Variants in ANO3 observed in about 807,000 individuals in gnomAD.
ANO3 encodes anoctamin 3.
ANO3 carries 99 observed loss-of-function variants against 144.8 expected under a neutral mutation model. The ratio of observed to expected loss-of-function variants is 0.68; its 90% CI spans 0.58 to 0.81. The LOEUF is 0.81. Among genes scored for constraint, ANO3 ranks in the 30% least tolerant of loss-of-function variants. The pLI, the probability that ANO3 is intolerant of heterozygous loss-of-function variation, is 0.00. For missense variants in ANO3, 905 were observed against 1,202.2 expected (o/e 0.75, Z 3.66); for synonymous variants, 414 against 392.6 (o/e 1.05, Z -0.64).
intron 1 of ANO3, among the ~76,000 whole-genome samples, chr11:26,437,827 G>T (rs578066258): frequency 1.7e-4 from 23 of 137,662 alleles, no homozygotes; most frequent in Admixed American, 3.1e-4. Flanking sequence ...ACTCATGTAT[G>T]AGTATTATCA....
intron 1 of ANO3, among the ~76,000 whole-genome samples, chr11:26,198,738 G>A (rs1397908687): frequency 6.6e-6 from 1 of 152,168 alleles, no homozygotes; most frequent in Non-Finnish European, 1.5e-5. Context: ...CTGTGGCTAT[G>A]GAAGTTGTTG....
rs868777792 is a variant in ANO3 at position 26,595,483 on chromosome 11, T to G, written c.1448-2882T>G. 9.4e-5 allele frequency among the ~76,000 whole-genome samples: 14 copies of G among 148,712 alleles called. 1 individual carries two copies. In the South Asian group the frequency reaches 3.0e-3, roughly 32 times the overall value. ...TTGTTTTTTTTTTTTTTTTTTTTTT[T>G]TTTTATTCTGTAAGTACTTTAAGGC... On this transcript the variant is annotated intron_variant, in intron 14 of 26. Transcript: ENST00000256737.
intron 17 of ANO3, among the ~76,000 whole-genome samples, chr11:26,607,031 A>G (rs935743331): frequency 1.3e-5 from 2 of 152,056 alleles, no homozygotes; most frequent in Admixed American, 1.3e-4. Flanking sequence ...CTTATGAAGT[A>G]TAGTTTGACT....
upstream of ANO3, among the ~76,000 whole-genome samples, chr11:26,329,315 CACACACACACACAGAG>C (rs1313755507): frequency 2.4e-5 from 2 of 83,282 alleles, no homozygotes; most frequent in Non-Finnish European, 7.0e-5. Flanking sequence ...CACACACACA[CACACACACACACAGAG>C]AGAGAGAGAG....
At chr11:26,561,273 AT>A (rs1490411365) in intron 14 of ANO3, 11 of 1,426,530 alleles carry the variant, frequency 7.7e-6, no homozygotes, top group Non-Finnish European at 1.0e-5. Flanking sequence ...ACTCTGAAAG[AT>A]TCATGTTCAG....
chr11:26,532,473 T>C (rs1261401995), intron 8 of ANO3, among the ~76,000 whole-genome samples: 1 of 152,188 alleles, frequency 6.6e-6, no homozygotes, highest in African/African-American at 2.4e-5. Context: ...CAACCACCTT[T>C]CTTAAGACTC....
intron 1 of ANO3, among the ~76,000 whole-genome samples, chr11:26,336,273 A>G (rs981154840): frequency 2.6e-5 from 4 of 152,186 alleles, no homozygotes; most frequent in African/African-American, 4.8e-5. Flanking sequence ...CAATACAGCT[A>G]CCAAGACTTT....
At chr11:26,273,632 GCACA>G (rs3220654) in intron 1 of ANO3, among the ~76,000 whole-genome samples, 28,055 of 140,028 alleles carry the variant, frequency 0.2, 2,868 homozygotes, top group Middle Eastern at 0.29. Context: ...TGTGGATATG[GCACA>G]CACACACACA....
At chr11:26,594,033 C>T (rs1461528193) in intron 14 of ANO3, among the ~76,000 whole-genome samples, 4 of 152,084 alleles carry the variant, frequency 2.6e-5, no homozygotes, top group Non-Finnish European at 5.9e-5. Flanking sequence ...ATTACCTGGC[C>T]GTCAATAGAG....
Position 26,203,408 on chromosome 11 carries a change from A to G in ANO3, c.154+14078A>G, listed in dbSNP as rs181514141. Reference sequence around the variant, plus strand: ...GCAACAGGAGGAAGGCATAAAATTCATTGAATGCAAGTTTTACATGGCACA... The same window carrying G: ...GCAACAGGAGGAAGGCATAAAATTCGTTGAATGCAAGTTTTACATGGCACA... On this transcript the variant is annotated intron_variant, in intron 1 of 27. Coordinates refer to the ANO3 transcript ENST00000672621. Among the ~76,000 whole-genome samples, 105 of 152,266 alleles carry G rather than the reference A, an allele frequency of 6.9e-4. 1 individual carries two copies. Among genetic ancestry groups the G allele is most frequent in the Middle Eastern group, 3.4e-3 (1 of 294 alleles).
intron 1 of ANO3, among the ~76,000 whole-genome samples, chr11:26,284,666 G>A (rs1350148584): frequency 2.6e-5 from 4 of 152,080 alleles, no homozygotes; most frequent in African/African-American, 9.7e-5. Flanking sequence ...TTGGGAGGCC[G>A]AGGCTGGCGG....
At chr11:26,636,142 G>A (rs1852951532) in intron 20 of ANO3, among the ~76,000 whole-genome samples, 1 of 152,196 alleles carries the variant, frequency 6.6e-6, no homozygotes, top group Admixed American at 6.5e-5. Context: ...CGAGGATGCA[G>A]TGAGCCATGA....
intron 24 of ANO3, among the ~76,000 whole-genome samples, chr11:26,651,018 A>G (rs1853513930): frequency 6.6e-6 from 1 of 152,216 alleles, no homozygotes. Flanking sequence ...AGAATTTTGG[A>G]TAACTTTTGT....
intron 20 of ANO3, 82 bp downstream of exon 20, chr11:26,635,152 GAGA>G: frequency 3.1e-6 from 4 of 1,288,162 alleles, no homozygotes; most frequent in Non-Finnish European, 4.5e-6. Context: ...CTGAAGAAAG[GAGA>G]AGTTCAGGGA....
chr11:26,475,665 A>G (rs1859937435), intron 4 of ANO3, among the ~76,000 whole-genome samples: 1 of 152,106 alleles, frequency 6.6e-6, no homozygotes, highest in African/African-American at 2.4e-5. Flanking sequence ...TATGTGCTGC[A>G]TAATTATACT....
chr11:26,367,086 C>T (rs928803969), intron 1 of ANO3, among the ~76,000 whole-genome samples: 1 of 152,160 alleles, frequency 6.6e-6, no homozygotes, highest in Non-Finnish European at 1.5e-5. Flanking sequence ...CCCTTCCTTA[C>T]ACCTTATACA....
intron 1 of ANO3, among the ~76,000 whole-genome samples, chr11:26,324,479 GA>G (rs1343933989): frequency 1.3e-5 from 2 of 152,168 alleles, no homozygotes; most frequent in Non-Finnish European, 2.9e-5. Flanking sequence ...TGACTACTAA[GA>G]AATTGAAAGA....
chr11:26,608,137 T>C (rs1181248203), intron 17 of ANO3, among the ~76,000 whole-genome samples: 1 of 152,236 alleles, frequency 6.6e-6, no homozygotes, highest in Non-Finnish European at 1.5e-5. Context: ...TTTTTGTTGT[T>C]GTTGATACTG....
intron 1 of ANO3, among the ~76,000 whole-genome samples, chr11:26,231,505 C>T (rs1291376720): frequency 6.6e-6 from 1 of 152,144 alleles, no homozygotes; most frequent in Admixed American, 6.5e-5. Context: ...TGAACAATAG[C>T]AGTGAATCAG....
Sources: gnomAD v4.1 joint callset for allele counts (sites outside exome capture counted in the v4.1 genomes callset) on GRCh38, gnomAD v4.1.1 for gene constraint, MANE v1.5 for transcripts, NCBI Gene and HGNC (gene_info 2026-07-23, HGNC 2026-07-21) for gene names.